CDH9: variants seen among roughly 807,000 people sequenced by gnomAD.
The protein encoded by CDH9 is cadherin-9.
A neutral mutation model predicts 70.9 loss-of-function variants in CDH9; 28 were observed. That is an observed-to-expected ratio of 0.40 (90% confidence interval 0.29 to 0.54). The LOEUF (loss-of-function observed/expected upper bound fraction) is 0.54, where lower values mean the gene tolerates loss of function less well. Among genes scored for constraint, CDH9 ranks in the 20% least tolerant of loss-of-function variants. The probability of loss-of-function intolerance (pLI) is 0.59; values close to 1 mark genes in which losing one functional copy is unlikely to be tolerated. For missense variants in CDH9, 874 were observed against 984.4 expected, an observed-to-expected ratio of 0.89 and a Z score of 1.50; for synonymous variants, 409 against 343.1, an observed-to-expected ratio of 1.19 and a Z score of -2.12.
At chr5:27,019,777 A>G (rs1443804600) in intron 1 of CDH9, among the ~76,000 whole-genome samples, 1 of 151,950 alleles carries the variant, frequency 6.6e-6, no homozygotes, top group Non-Finnish European at 1.5e-5. Flanking sequence ...GGAAACAATA[A>G]TCTTATATAT....
chr5:26,952,543 G>T (rs1017728568), intron 2 of CDH9, among the ~76,000 whole-genome samples: 3 of 136,548 alleles, frequency 2.2e-5, no homozygotes, highest in African/African-American at 8.2e-5. Flanking sequence ...GCTGAGGCAG[G>T]AGAATGGTAT....
intron 1 of CDH9, among the ~76,000 whole-genome samples, chr5:26,991,179 G>C (rs149996275): frequency 2.6e-5 from 4 of 152,226 alleles, no homozygotes; most frequent in African/African-American, 9.6e-5. Flanking sequence ...AGATGATGAA[G>C]GCATATAGAG....
At chr5:27,033,223 A>C (rs1172934499) in intron 1 of CDH9, among the ~76,000 whole-genome samples, 2 of 151,362 alleles carry the variant, frequency 1.3e-5, no homozygotes, top group Admixed American at 6.6e-5. Flanking sequence ...ATAATATCTA[A>C]TATTGACTAA....
chr5:27,022,477 A>G (rs998420957), intron 1 of CDH9, among the ~76,000 whole-genome samples: 1 of 152,126 alleles, frequency 6.6e-6, no homozygotes, highest in Non-Finnish European at 1.5e-5. Flanking sequence ...GCACAATGTT[A>G]TAGTTGCATA....
chr5:26,888,076 A>G (rs571093695), intron 9 of CDH9, among the ~76,000 whole-genome samples: 6 of 151,896 alleles, frequency 4.0e-5, no homozygotes, highest in Non-Finnish European at 8.8e-5. Flanking sequence ...AATTATTTTT[A>G]AGTCCACATT....
At chr5:26,903,320 T>C in intron 6 of CDH9, 2 of 399,792 alleles carry the variant, frequency 5.0e-6, no homozygotes, top group South Asian at 2.3e-5. Context: ...GAAAATATTT[T>C]GAAAAGTGCA....
intron 9 of CDH9, among the ~76,000 whole-genome samples, chr5:26,889,460 A>G (rs1045436411): frequency 2.0e-5 from 3 of 152,134 alleles, no homozygotes; most frequent in South Asian, 2.1e-4. Flanking sequence ...TTATAATAAC[A>G]TGAAACAATT....
intron 2 of CDH9, among the ~76,000 whole-genome samples, chr5:26,969,450 CAT>C (rs1478230622): frequency 3.9e-5 from 6 of 151,936 alleles, no homozygotes; most frequent in African/African-American, 1.4e-4. Flanking sequence ...AAAATCTGTT[CAT>C]ATGTTAATTG....
At chr5:27,013,012 G>A (rs891031) in intron 1 of CDH9, among the ~76,000 whole-genome samples, 68,340 of 151,596 alleles carry the variant, frequency 0.45, 16,182 homozygotes, top group Non-Finnish European at 0.5. Flanking sequence ...TATTAAGCAC[G>A]GGCCAGGCCT....
Position 26,903,638 on chromosome 5 carries a change from T to TG in CDH9, c.997dup (p.Gln333ProfsTer6). 1 of 1,590,434 alleles carries TG rather than the reference T, an allele frequency of 6.3e-7. No homozygotes were observed. Among genetic ancestry groups the TG allele is most frequent in the Non-Finnish European group, 8.6e-7 (1 of 1,158,574 alleles). Reference sequence around the variant, plus strand: ...AAGATGAAGACAGTGAAAAGAAACCTGTTTGACAGTTATAATCCCTTCCTG... The same window carrying TG: ...AAGATGAAGACAGTGAAAAGAAACCTGGTTTGACAGTTATAATCCCTTCCTG... On this transcript the variant is annotated frameshift_variant and splice_region_variant, in exon 6 of 12. Transcript: ENST00000231021. LOFTEE classifies it high-confidence loss of function.
intron 4 of CDH9, among the ~76,000 whole-genome samples, 185 bp from the exon 5 acceptor site, chr5:26,906,311 A>G (rs757440854): frequency 6.6e-6 from 1 of 152,198 alleles, no homozygotes. Context: ...CCCACGGGCT[A>G]TAGTTCATGA....
rs1377944828 is a variant in CDH9, at chr5:27,010,717, G to C, written c.-49-22335C>G. 2.6e-5 allele frequency among the ~76,000 whole-genome samples: 4 copies of C among 152,088 alleles called. No homozygotes were observed. The East Asian group carries it at 7.7e-4, about 29-fold the overall frequency. On this transcript the variant is annotated intron_variant, in intron 1 of 11. Coordinates refer to ENST00000231021, the MANE Select transcript of CDH9 (RefSeq NM_016279.4). ...ATGAGGCTTTCTTCACTGCTGGATG[G>C]CCAGGCCTTAAGCCAATGCTGCAAA...
At chr5:26,922,184 G>C (rs551288765) in intron 2 of CDH9, among the ~76,000 whole-genome samples, 2 of 151,348 alleles carry the variant, frequency 1.3e-5, no homozygotes, top group African/African-American at 4.8e-5. Context: ...AATAATAACA[G>C]AGAACTTCCA....
At chr5:26,898,746 A>G (rs1740798118) in intron 7 of CDH9, among the ~76,000 whole-genome samples, 1 of 152,196 alleles carries the variant, frequency 6.6e-6, no homozygotes, top group South Asian at 2.1e-4. Flanking sequence ...AATACCATTC[A>G]GGACATAGGC....
chr5:27,034,489 C>T (rs1743359034), intron 1 of CDH9, among the ~76,000 whole-genome samples: 1 of 151,576 alleles, frequency 6.6e-6, no homozygotes, highest in African/African-American at 2.4e-5. Flanking sequence ...CTCAGAAAAA[C>T]TTTGAATGTC....
At chr5:27,007,824 G>A (rs1742892487) in intron 1 of CDH9, among the ~76,000 whole-genome samples, 1 of 151,976 alleles carries the variant, frequency 6.6e-6, no homozygotes, top group Admixed American at 6.6e-5. Context: ...TAAATTCATG[G>A]ATATTTCTCA....
chr5:26,943,528 A>G (rs1399946804), intron 2 of CDH9, among the ~76,000 whole-genome samples: 1 of 141,268 alleles, frequency 7.1e-6, no homozygotes, highest in East Asian at 2.1e-4. Flanking sequence ...AAAAAAAAAA[A>G]GCTAACTCAG....
chr5:27,016,572 TTC>T (rs1237216589), intron 1 of CDH9, among the ~76,000 whole-genome samples: 2 of 151,904 alleles, frequency 1.3e-5, no homozygotes, highest in African/African-American at 4.8e-5. Context: ...GAGAATTTAG[TTC>T]TGTCGATTTT....
chr5:27,027,666 T>C (rs1276841140), intron 1 of CDH9, among the ~76,000 whole-genome samples: 3 of 151,986 alleles, frequency 2.0e-5, no homozygotes, highest in Admixed American at 2.0e-4. Context: ...ACGCTGACTA[T>C]CAAAAAATAT....
Sources: gnomAD v4.1 joint callset for allele counts (sites outside exome capture counted in the v4.1 genomes callset) on GRCh38, gnomAD v4.1.1 for gene constraint, MANE v1.5 for transcripts, NCBI Gene and HGNC (gene_info 2026-07-23, HGNC 2026-07-21) for gene names.